BRAF: variants seen among roughly 807,000 people sequenced by gnomAD.
The protein encoded by BRAF is serine/threonine-protein kinase B-raf.
BRAF carries 16 observed loss-of-function variants against 104.6 expected under a neutral mutation model. The ratio of observed to expected loss-of-function variants is 0.15; its 90% confidence interval spans 0.10 to 0.23. The LOEUF (loss-of-function observed/expected upper bound fraction) is 0.23, where lower values mean the gene tolerates loss of function less well. Ranked by LOEUF, BRAF falls within the 10% of genes least tolerant of loss-of-function variation. The probability of loss-of-function intolerance (pLI) is 1.00; values close to 1 mark genes in which losing one functional copy is unlikely to be tolerated. For synonymous variants in BRAF, 310 were observed against 341.6 expected, an observed-to-expected ratio of 0.91 and a Z score of 1.02; for missense variants, 541 against 937.3, an observed-to-expected ratio of 0.58 and a Z score of 5.52.
intron 1 of BRAF, among the ~76,000 whole-genome samples, chr7:140,861,782 A>G (rs576582250): frequency 6.6e-6 from 1 of 152,318 alleles, no homozygotes; most frequent in African/African-American, 2.4e-5. Flanking sequence ...AGACAATTCA[A>G]CAAAACTGAG....
At chr7:140,810,662 G>C (rs567765518) in intron 3 of BRAF, among the ~76,000 whole-genome samples, 2 of 152,316 alleles carry the variant, frequency 1.3e-5, no homozygotes, top group East Asian at 3.9e-4. Context: ...GTATTAAAGA[G>C]ACTGGATGGT....
At chr7:140,763,054 G>A (rs1436240543) in intron 14 of BRAF, among the ~76,000 whole-genome samples, 5 of 152,048 alleles carry the variant, frequency 3.3e-5, no homozygotes, top group African/African-American at 7.3e-5. Flanking sequence ...TCTTTTCCCC[G>A]CTTTTCCCCT....
chr7:140,849,136 A>G (rs564723673), intron 2 of BRAF, among the ~76,000 whole-genome samples: 3 of 152,286 alleles, frequency 2.0e-5, no homozygotes, highest in East Asian at 3.9e-4. Context: ...AAGGGTGTGT[A>G]GGGTAGTAGT....
chr7:140,847,211 T>A (rs981174190), intron 2 of BRAF, among the ~76,000 whole-genome samples: 1 of 152,090 alleles, frequency 6.6e-6, no homozygotes, highest in Admixed American at 6.6e-5. Flanking sequence ...CTCATTTATA[T>A]GTTCATTGTC....
chr7:140,739,734 G>A lies in BRAF; in HGVS notation c.2247+78C>T, dbSNP rs1377647882. The A allele has an allele frequency of 3.3e-6, 5 of 1,536,158 alleles. No individual in the cohort carries two copies. In the South Asian group the frequency reaches 3.4e-5, roughly 10 times the overall value. On this transcript the variant is annotated intron_variant, in intron 18 of 19. Transcript: ENST00000644969. ...AATCCAAACTCATGAAATACACACT[G>A]TGTGCCCAAAAAAGTGCTCAGAAAT... is the stretch of plus-strand genomic sequence containing the variant.
chr7:140,729,885 C>T (rs977973496), intron 19 of BRAF, among the ~76,000 whole-genome samples: 2 of 152,118 alleles, frequency 1.3e-5, no homozygotes, highest in African/African-American at 4.8e-5. Flanking sequence ...AACAACCGCA[C>T]AAAGAACAAA....
intron 16 of BRAF, among the ~76,000 whole-genome samples, chr7:140,750,451 C>T (rs1048597188): frequency 2.6e-5 from 4 of 152,108 alleles, no homozygotes; most frequent in Non-Finnish European, 5.9e-5. Context: ...AGTCCAATCA[C>T]ACAACGTAAC....
At position 140,754,256 on chromosome 7, in the gene BRAF, A is replaced by T. The variant is rs769640108; in HGVS notation, c.1815-23T>A. ...TAACTGAAAAACAAAACATCATTTT[A>T]ACCTGAGTAGGGCTAAAGGACTCTG... On this transcript the variant is annotated intron_variant, in intron 14 of 19. Transcript: ENST00000644969. The T allele has an allele frequency of 1.2e-5, 19 of 1,611,790 alleles. No individual in the cohort carries two copies. In the South Asian group the frequency reaches 2.1e-4, roughly 18 times the overall value.
rs552226644 is a variant in BRAF, at chr7:140,849,137, G to C, written c.240+974C>G. Among the ~76,000 whole-genome samples the C allele has an allele frequency of 3.3e-4, 50 of 152,276 alleles. No individual in the cohort carries two copies. In the South Asian group the frequency reaches 0.01, roughly 31 times the overall value. ...AGCTTTTATAAAGAAAGGGTGTGTA[G>C]GGTAGTAGTGAGCAGTGTGGGCTGT... On this transcript the variant is annotated intron_variant, in intron 2 of 19. Transcript: ENST00000644969.
At chr7:140,786,878 G>A (rs1251912568) in intron 9 of BRAF, among the ~76,000 whole-genome samples, 5 of 152,140 alleles carry the variant, frequency 3.3e-5, no homozygotes, top group African/African-American at 4.8e-5. Context: ...TTAATAAAGC[G>A]GGTATAAAAA....
At chr7:140,787,916 T>C (rs1401277413) in intron 8 of BRAF, among the ~76,000 whole-genome samples, 2 of 152,146 alleles carry the variant, frequency 1.3e-5, no homozygotes, top group African/African-American at 4.8e-5. Context: ...TTCTCACTTA[T>C]AAGTGGGAGC....
chr7:140,800,994 G>A (rs1803044934), intron 6 of BRAF: 3 of 208,684 alleles, frequency 1.4e-5, no homozygotes, highest in Non-Finnish European at 2.9e-5. Flanking sequence ...TAAATTGGGG[G>A]AAGGGAGCTG....
chr7:140,793,971 C>A (rs1207260123), intron 8 of BRAF, among the ~76,000 whole-genome samples: 2 of 152,124 alleles, frequency 1.3e-5, no homozygotes, highest in East Asian at 1.9e-4. Flanking sequence ...CAATCATAAT[C>A]ATTTTTATAA....
intron 1 of BRAF, among the ~76,000 whole-genome samples, chr7:140,898,860 T>C (rs1025536591): frequency 2.0e-5 from 3 of 152,216 alleles, no homozygotes; most frequent in Non-Finnish European, 2.9e-5. Flanking sequence ...TGTTTACGAA[T>C]AGAATCATGT....
intron 17 of BRAF, among the ~76,000 whole-genome samples, chr7:140,744,571 A>G (rs1191029303): frequency 1.3e-5 from 2 of 152,220 alleles, no homozygotes; most frequent in East Asian, 3.9e-4. Flanking sequence ...TAAACTCTGC[A>G]TGTGATTATA....
At chr7:140,885,112 C>T (rs889143964) in intron 1 of BRAF, among the ~76,000 whole-genome samples, 2 of 152,068 alleles carry the variant, frequency 1.3e-5, no homozygotes, top group Non-Finnish European at 2.9e-5. Context: ...AGCGATTCTC[C>T]CGCCTCTCAG....
intron 17 of BRAF, among the ~76,000 whole-genome samples, chr7:140,744,632 G>A (rs1315367590): frequency 6.6e-6 from 1 of 151,866 alleles, no homozygotes; most frequent in Non-Finnish European, 1.5e-5. Context: ...AAATTTCTCA[G>A]TATTTACCTC....
At chr7:140,805,727 C>T (rs1227511829) in intron 5 of BRAF, among the ~76,000 whole-genome samples, 1 of 152,196 alleles carries the variant, frequency 6.6e-6, no homozygotes, top group Admixed American at 6.5e-5. Flanking sequence ...TGTTTTCCCA[C>T]TTCCCAGTTC....
chr7:140,825,473 A>G (rs1439415553), intron 3 of BRAF, among the ~76,000 whole-genome samples: 1 of 152,186 alleles, frequency 6.6e-6, no homozygotes, highest in African/African-American at 2.4e-5. Flanking sequence ...GTCATATTTA[A>G]GAAATCTTTG....
Sources: allele counts gnomAD v4.1 joint callset (sites outside exome capture counted in the v4.1 genomes callset), GRCh38; gene constraint gnomAD v4.1.1; transcripts MANE v1.5; gene names NCBI Gene and HGNC (gene_info 2026-07-23, HGNC 2026-07-21).